HHATL: variants seen among roughly 807,000 people sequenced by gnomAD.
HHATL encodes protein-cysteine N-palmitoyltransferase HHAT-like protein.
In HHATL, 49 loss-of-function variants were observed where a neutral mutation model predicts 59.7. The observed-to-expected ratio is 0.82, with a 90% CI of 0.65 to 1.04. The LOEUF (loss-of-function observed/expected upper bound fraction) is 1.04. HHATL is among the 50% of genes least tolerant of loss of function. HHATL has a pLI of 0.00. For missense variants in HHATL, 605 were observed against 650.8 expected (o/e 0.93, Z 0.77); for synonymous variants, 238 against 257.3 (o/e 0.93, Z 0.72).
At chr3:42,697,235 A>G in intron 7 of HHATL, 90 bp from the exon 8 acceptor site, 1 of 1,454,866 alleles carries the variant, frequency 6.9e-7, no homozygotes, top group Non-Finnish European at 9.2e-7. Flanking sequence ...TTGGGGAGAC[A>G]CCAGGCTCTG....
intron 9 of HHATL, among the ~76,000 whole-genome samples, chr3:42,695,272 G>A (rs1697555645): frequency 6.6e-6 from 1 of 152,060 alleles, no homozygotes; most frequent in African/African-American, 2.4e-5. Flanking sequence ...TTGATCTTGT[G>A]ACCCTCCCAC....
chr3:42,698,130 G>C lies in HHATL; in HGVS notation c.693+12C>G, dbSNP rs1484882565. On this transcript the variant is annotated intron_variant, in intron 6 of 11. Coordinates refer to ENST00000441594, the MANE Select transcript of HHATL (RefSeq NM_020707.4). ...CAGCCCTGTTCTAGAAGCCCACAGG[G>C]TGTCCCCTCACCTGAGCATGGAAGC... 2 of 1,612,766 alleles carry C rather than the reference G, an allele frequency of 1.2e-6. No homozygotes were observed. The highest frequency in any genetic ancestry group is 1.7e-6 in the Non-Finnish European group (2 of 1,178,806).
intron 3 of HHATL, 86 bp downstream of exon 3, chr3:42,699,672 G>A (rs1697846935): frequency 6.0e-6 from 7 of 1,174,046 alleles, no homozygotes; most frequent in Middle Eastern, 3.9e-4. Flanking sequence ...GCTGTGAGAA[G>A]CTCTCTGTTA....
At position 42,697,596 on chromosome 3, in the gene HHATL, C is replaced by A; in HGVS notation, c.777G>T (p.Met259Ile). The change falls in exon 7 of 12, where the codon ATG becomes ATT. Residue 259 changes from methionine (M) to isoleucine (I), a missense_variant. Coordinates refer to ENST00000441594, the MANE Select transcript of HHATL (RefSeq NM_020707.4). ...AGAAGTGAAAGAAGATGTCGACGGC[C>A]ATGATGGCCACCACGCTTAGGCCTG... ...AQAGLSVVAIMAVDIFFHFFY... is the reference protein window; with the variant it reads ...AQAGLSVVAIIAVDIFFHFFY... 6.2e-7 allele frequency: 1 copy of A among 1,614,160 alleles called. No individual in the cohort carries two copies. Among genetic ancestry groups the A allele is most frequent in the Non-Finnish European group, 8.5e-7 (1 of 1,179,992 alleles).
At chr3:42,696,688 T>C (rs1426639274) in intron 9 of HHATL, among the ~76,000 whole-genome samples, 154 bp downstream of exon 9, 2 of 152,146 alleles carry the variant, frequency 1.3e-5, no homozygotes, top group African/African-American at 4.8e-5. Context: ...AACTTCTATA[T>C]CTTTCACCCA....
chr3:42,699,443 C>T lies in HHATL; in HGVS notation c.175-298G>A, dbSNP rs145022235. Among the ~76,000 whole-genome samples, 69 of 152,220 alleles carry T rather than the reference C, an allele frequency of 4.5e-4. No homozygotes were observed. In the East Asian group the frequency reaches 0.012, roughly 26 times the overall value. ...AAGGGCACCATGGGGGCTGCCGGGT[C>T]GCTTGAAGCTCCCCCTCTCCTCCGC... On this transcript the variant is annotated intron_variant, in intron 3 of 11. Coordinates refer to ENST00000441594, the MANE Select transcript of HHATL (RefSeq NM_020707.4).
In HHATL at chr3:42,701,695, T is replaced by C. The variant is rs540326285; in HGVS notation, c.-13-856A>G. Among the ~76,000 whole-genome samples the C allele has an allele frequency of 3.3e-5, 5 of 152,318 alleles. No homozygotes were observed. The South Asian group carries it at 1.0e-3, about 32-fold the overall frequency. ...TCCAGCGGGGGCCTAGCTTGTCCCCTGGAGAACTGCTGGGCCGTACTACGG... is the reference window on the plus strand; with the variant it reads ...TCCAGCGGGGGCCTAGCTTGTCCCCCGGAGAACTGCTGGGCCGTACTACGG... On this transcript the variant is annotated intron_variant, in intron 1 of 11. Coordinates refer to ENST00000441594, the MANE Select transcript of HHATL (RefSeq NM_020707.4). This position sits in a 1 kb window ranked among gnomAD's most constrained non-coding sequence, Gnocchi z 5.1.
Position 42,701,101 on chromosome 3 carries a change from G to C in HHATL, c.-13-262C>G. On this transcript the variant is annotated intron_variant, in intron 1 of 11. Coordinates refer to ENST00000441594, the MANE Select transcript of HHATL (RefSeq NM_020707.4). This position sits in a 1 kb window ranked among gnomAD's most constrained non-coding sequence, Gnocchi z 5.1. ...CCCGCAGAGCCCTCACTCGCAGCCT[G>C]CCTCCCTCACCTTCATTTACATCTT... The C allele has an allele frequency of 2.2e-6, 1 of 456,970 alleles. No homozygotes were observed. Among genetic ancestry groups the C allele is most frequent in the Non-Finnish European group, 4.0e-6 (1 of 251,688 alleles). 28.3% of individuals were successfully genotyped at this position (456,970 alleles called of 1,614,324 possible).
At chr3:42,699,274 C>T (rs1428994631) in intron 3 of HHATL, 129 bp from the exon 4 acceptor site, 1 of 462,140 alleles carries the variant, frequency 2.2e-6, no homozygotes, top group East Asian at 3.5e-5. Flanking sequence ...TTATTATTAT[C>T]ATTTTTAAAT....
At position 42,698,238 on chromosome 3, in the gene HHATL, G is replaced by T. The variant is rs746925547; in HGVS notation, c.597C>A (p.Asp199Glu). The stretch of plus-strand genomic sequence containing the variant: ...GCAGGTCAGCTAAGGAGTAGTGGCG[G>T]TCAGGGTGGGCACAGCTCTCCAGTG... ...SFALESCAHPDRHYSLADLLK... is the reference protein window; with the variant it reads ...SFALESCAHPERHYSLADLLK... The change falls in exon 6 of 12, where the codon GAC becomes GAA. Residue 199 changes from aspartate (D) to glutamate (E), a missense_variant. Asp to Glu is a conservative substitution (Grantham distance 45). Transcript: ENST00000441594. The T allele has an allele frequency of 1.7e-5, 28 of 1,614,094 alleles. No individual in the cohort carries two copies. Among genetic ancestry groups the T allele is most frequent in the Non-Finnish European group, 2.1e-5 (25 of 1,180,038 alleles).
In HHATL at chr3:42,693,115, T is replaced by C; in HGVS notation, c.1352A>G (p.Lys451Arg). 6.2e-7 allele frequency: 1 copy of C among 1,614,182 alleles called. No homozygotes were observed. The highest frequency in any genetic ancestry group is 1.1e-5 in the South Asian group (1 of 91,082). The change falls in exon 11 of 12, where the codon AAA (lysine) becomes AGA (arginine). Residue 451 changes from lysine to arginine, a missense_variant. Lys to Arg is a conservative substitution (Grantham distance 26, BLOSUM62 2). Transcript: ENST00000441594. Reference sequence around the variant, plus strand: ...GCGCCGGGCAACCAGCTCTGTGAATTTGAGGCTGTTCAGGCTCACAAGGTT... The same window carrying C: ...GCGCCGGGCAACCAGCTCTGTGAATCTGAGGCTGTTCAGGCTCACAAGGTT... ...MYNLVSLNSL[K>R]FTELVARRLL...
chr3:42,697,023 C>T lies in HHATL; in HGVS notation c.988G>A (p.Ala330Thr), dbSNP rs749215110. The change falls in exon 8 of 12, where the codon GCA becomes ACA. Residue 330 changes from alanine (A) to threonine (T), a missense_variant. Physicochemically the swap from Ala to Thr is moderately conservative, Grantham distance 58. Coordinates refer to ENST00000441594, the MANE Select transcript of HHATL (RefSeq NM_020707.4). ...DPPQPPKCITALYVFAETHFD... is the reference protein window; with the variant it reads ...DPPQPPKCITTLYVFAETHFD... ...CACGTTTCCGCAAAGACGTAGAGTG[C>T]GGTGATGCACTTGGGAGGCTGGGGT... The T allele has an allele frequency of 1.7e-4, 274 of 1,601,632 alleles. No homozygotes were observed. The highest frequency in any genetic ancestry group is 2.2e-4 in the Non-Finnish European group (263 of 1,172,702).
chr3:42,695,700 T>C (rs1442798396), intron 9 of HHATL, among the ~76,000 whole-genome samples: 1 of 152,200 alleles, frequency 6.6e-6, no homozygotes, highest in East Asian at 1.9e-4. Context: ...TCCTGCTTCA[T>C]GGACAAGGCT....
rs1457742804 is a variant in HHATL at position 42,697,067 on chromosome 3, C to T, written c.944G>A (p.Cys315Tyr). 1 of 1,588,226 alleles carries T rather than the reference C, an allele frequency of 6.3e-7. No individual in the cohort carries two copies. The highest frequency in any genetic ancestry group is 8.6e-7 in the Non-Finnish European group (1 of 1,166,322). Reference sequence around the variant, plus strand: ...CTGGGGTGGGTCCAGGTGGTCGAGGCATGCCACAGTGTTGACAACACCAAA... The same window carrying T: ...CTGGGGTGGGTCCAGGTGGTCGAGGTATGCCACAGTGTTGACAACACCAAA... Reference protein sequence around the residue: ...VLFGVVNTVACLDHLDPPQPP... With the variant: ...VLFGVVNTVAYLDHLDPPQPP... Residue 315 changes from cysteine to tyrosine, a missense_variant, in exon 8 of 12, where the codon TGC becomes TAC. By Grantham distance (194) the Cys-to-Tyr change is radical. Transcript: ENST00000441594.
rs144753590 is a variant in HHATL, at chr3:42,692,810, G to A, written c.1456C>T (p.Arg486Cys). Residue 486 changes from arginine to cysteine, a missense_variant, in exon 12 of 12, where the codon CGT becomes TGT. By Grantham distance (180) the Arg-to-Cys change is radical (BLOSUM62 -3). Transcript: ENST00000441594. ...TCCTCCAGTGCCAAGGTTCGCTCAC[G>A]CTCCTTTACCAGCTGGACGCCACAG... ...TYCGVQLVKE[R>C]ERTLALEEEQ... 42 of 1,614,062 alleles carry A rather than the reference G, an allele frequency of 2.6e-5. No individual in the cohort carries two copies. Among genetic ancestry groups the A allele is most frequent in the South Asian group, 4.4e-5 (4 of 91,092 alleles).
chr3:42,698,546 G>T (rs1392026276), intron 5 of HHATL, among the ~76,000 whole-genome samples, 162 bp downstream of exon 5: 1 of 152,232 alleles, frequency 6.6e-6, no homozygotes, highest in Admixed American at 6.5e-5. Flanking sequence ...AGTTCCTCCT[G>T]TGATGCAGGT....
chr3:42,697,519 T>C lies in HHATL; in HGVS notation c.854A>G (p.Asp285Gly), dbSNP rs1697684884. 4 of 1,613,818 alleles carry C rather than the reference T, an allele frequency of 2.5e-6. No homozygotes were observed. Among genetic ancestry groups the C allele is most frequent in the Admixed American group, 3.3e-5 (2 of 60,000 alleles). Residue 285 changes from aspartate to glycine, a missense_variant, in exon 7 of 12, where the codon GAC (aspartate) becomes GGC (glycine). Coordinates refer to ENST00000441594, the MANE Select transcript of HHATL (RefSeq NM_020707.4). ...SDLKFANRLP[D>G]SALAGLAYSN... Reference sequence around the variant, plus strand: ...TTCTGTGGACCCACCGAGGGCACTGTCTGGGAGGCGGTTGGCGAACTTGAG... The same window carrying C: ...TTCTGTGGACCCACCGAGGGCACTGCCTGGGAGGCGGTTGGCGAACTTGAG...
chr3:42,701,054 A>C lies in HHATL; in HGVS notation c.-13-215T>G, dbSNP rs1697959061. ...CATCCCAGCTGCTGCTCTTGCCCCC[A>C]CCCCACCCATCAAGGCTCTTGCCCG... On this transcript the variant is annotated intron_variant, in intron 1 of 11. Coordinates refer to ENST00000441594, the MANE Select transcript of HHATL (RefSeq NM_020707.4). The surrounding 1 kb of genome is among the most constrained non-coding windows in gnomAD (Gnocchi z 5.1). 21 of 507,892 alleles carry C rather than the reference A, an allele frequency of 4.1e-5. No homozygotes were observed. Among genetic ancestry groups the C allele is most frequent in the African/African-American group, 1.4e-4 (7 of 49,550 alleles). The allele number at this position is 507,892 out of a possible 1,614,324, so 31.5% of individuals were successfully genotyped here. A position where few individuals can be genotyped will look rare whatever the true frequency, so the allele number is the denominator to read the frequency against.
At chr3:42,695,455 C>A (rs1697565478) in intron 9 of HHATL, among the ~76,000 whole-genome samples, 2 of 152,218 alleles carry the variant, frequency 1.3e-5, no homozygotes, top group South Asian at 4.1e-4. Context: ...CACATCTTCA[C>A]ATGCTGGAGT....
Sources: gnomAD v4.1 joint callset for allele counts (sites outside exome capture counted in the v4.1 genomes callset) on GRCh38, gnomAD v4.1.1 for gene constraint, Gnocchi (gnomAD v3.1) non-coding constraint, MANE v1.5 for transcripts, NCBI Gene and HGNC (gene_info 2026-07-23, HGNC 2026-07-21) for gene names.